The following SDK1 variants were observed in gnomAD, a reference collection of about 807,000 sequenced individuals.
SDK1 encodes the protein sidekick cell adhesion molecule 1.
A neutral mutation model predicts 245.5 loss-of-function variants in SDK1; 157 were observed. That is an observed-to-expected ratio of 0.64 (90% CI 0.56 to 0.73). The LOEUF (loss-of-function observed/expected upper bound fraction) is 0.73. Ranked by LOEUF, SDK1 falls within the 30% of genes least tolerant of loss-of-function variation. The pLI, the probability that SDK1 is intolerant of heterozygous loss-of-function variation, is 0.00. For missense variants in SDK1, 3,583 were observed against 3,002.3 expected, an observed-to-expected ratio of 1.19 and a Z score of -4.52; for synonymous variants, 1,647 against 1,278.5, an observed-to-expected ratio of 1.29 and a Z score of -6.15.
intron 4 of SDK1, among the ~76,000 whole-genome samples, chr7:3,644,931 G>T (rs2128653647): frequency 6.6e-6 from 1 of 152,040 alleles, no homozygotes; most frequent in East Asian, 1.9e-4. Flanking sequence ...TGGTACCAGG[G>T]ATGGGGGGAG....
chr7:3,642,638 A>T (rs191359373), intron 4 of SDK1, among the ~76,000 whole-genome samples: 21 of 152,352 alleles, frequency 1.4e-4, no homozygotes. Flanking sequence ...ATTGCAGAAT[A>T]GTTGCTTTGT....
chr7:3,805,538 T>A (rs1008784347), intron 4 of SDK1, among the ~76,000 whole-genome samples: 2 of 152,204 alleles, frequency 1.3e-5, no homozygotes, highest in African/African-American at 4.8e-5. Flanking sequence ...TTCTCTAAAA[T>A]GTACTGGTTC....
At chr7:3,747,698 G>GGTGTGT (rs148784234) in intron 4 of SDK1, among the ~76,000 whole-genome samples, 7 of 148,730 alleles carry the variant, frequency 4.7e-5, no homozygotes, top group African/African-American at 1.8e-4. Context: ...CTTAGCCTGG[G>GGTGTGT]GTGTGTGTGT....
chr7:3,771,695 A>C (rs575011834), intron 4 of SDK1, among the ~76,000 whole-genome samples: 18 of 152,166 alleles, frequency 1.2e-4, no homozygotes, highest in African/African-American at 4.1e-4. Flanking sequence ...GCATTTTTCA[A>C]ATGTCCTTTT....
At position 3,951,763 on chromosome 7, in the gene SDK1, G is replaced by T. The variant is rs1484670114; in HGVS notation, c.993G>T (p.Arg331Ser). The T allele has an allele frequency of 2.5e-6, 4 of 1,613,650 alleles. No homozygotes were observed. The highest frequency in any genetic ancestry group is 3.3e-5 in the Admixed American group (2 of 60,008). Residue 331 changes from arginine (R) to serine (S), a missense_variant, in exon 7 of 45, where the codon AGG (arginine) becomes AGT (serine). Physicochemically the swap from Arg to Ser is moderately radical, Grantham distance 110. Coordinates refer to ENST00000404826, the MANE Select transcript of SDK1 (RefSeq NM_152744.4). ...AGGACCTGAGTGTGACCTGGAAGAG[G>T]AATGGAGTGAGAATCACCAGTGGCC... ...PVEDLSVTWK[R>S]NGVRITSGLH...
At chr7:3,705,832 A>T (rs182537934) in intron 4 of SDK1, among the ~76,000 whole-genome samples, 1 of 151,936 alleles carries the variant, frequency 6.6e-6, no homozygotes, top group Non-Finnish European at 1.5e-5. Context: ...TCCTTGACCT[A>T]TTTCAGTTCT....
At chr7:3,732,437 A>G (rs1779207337) in intron 4 of SDK1, among the ~76,000 whole-genome samples, 1 of 152,236 alleles carries the variant, frequency 6.6e-6, no homozygotes, top group Non-Finnish European at 1.5e-5. Context: ...ACTTGACACC[A>G]TTAATTTCTG....
intron 4 of SDK1, among the ~76,000 whole-genome samples, chr7:3,731,863 C>T (rs1779188025): frequency 6.6e-6 from 1 of 152,164 alleles, no homozygotes. Context: ...GTGATGTTGG[C>T]TCACTGCAAC....
intron 27 of SDK1, among the ~76,000 whole-genome samples, 171 bp from the exon 28 acceptor site, chr7:4,132,154 C>T (rs1036847628): frequency 5.3e-5 from 8 of 152,194 alleles, no homozygotes; most frequent in Admixed American, 2.6e-4. Context: ...AGCCACACTA[C>T]CAGTGACATT....
intron 1 of SDK1, among the ~76,000 whole-genome samples, chr7:3,584,341 G>A (rs1038632310): frequency 2.0e-5 from 3 of 152,112 alleles, no homozygotes; most frequent in African/African-American, 7.2e-5. Context: ...GGCGTTCCCT[G>A]TCTAGTTTCA....
intron 1 of SDK1, among the ~76,000 whole-genome samples, chr7:3,368,099 A>C (rs998936886): frequency 1.3e-5 from 2 of 152,208 alleles, no homozygotes; most frequent in Admixed American, 1.3e-4. Context: ...ATATTTTTGT[A>C]AGTATATTAT....
At chr7:3,668,867 G>T (rs973804378) in intron 4 of SDK1, among the ~76,000 whole-genome samples, 7 of 152,154 alleles carry the variant, frequency 4.6e-5, no homozygotes, top group Admixed American at 4.6e-4. Context: ...TTTCACCATT[G>T]TGTCACTAGC....
chr7:3,417,988 C>A (rs1444457083), intron 1 of SDK1, among the ~76,000 whole-genome samples: 1 of 151,992 alleles, frequency 6.6e-6, no homozygotes, highest in African/African-American at 2.4e-5. Flanking sequence ...CAAGTGATTT[C>A]TCTACTGAGA....
intron 1 of SDK1, among the ~76,000 whole-genome samples, chr7:3,606,514 A>G (rs917256803): frequency 6.6e-5 from 10 of 152,080 alleles, no homozygotes; most frequent in African/African-American, 2.4e-4. Context: ...TTTTACCCTC[A>G]TCTGTCATCC....
At chr7:3,723,153 A>T (rs899729458) in intron 4 of SDK1, among the ~76,000 whole-genome samples, 3 of 152,212 alleles carry the variant, frequency 2.0e-5, no homozygotes, top group African/African-American at 7.2e-5. Context: ...GTGTTCTAAA[A>T]TAAAAGGCTT....
chr7:4,198,807 C>G (rs956632057), intron 35 of SDK1, among the ~76,000 whole-genome samples: 1 of 141,770 alleles, frequency 7.1e-6, no homozygotes, highest in Non-Finnish European at 1.5e-5. Flanking sequence ...TTTCTTTTTT[C>G]TTTGCTTTTT....
intron 4 of SDK1, among the ~76,000 whole-genome samples, chr7:3,809,878 G>A (rs936619608): frequency 6.6e-6 from 1 of 152,112 alleles, no homozygotes; most frequent in Non-Finnish European, 1.5e-5. Flanking sequence ...GTCAGGAATC[G>A]AGAATTACCA....
At chr7:4,009,586 G>A (rs1467279024) in intron 14 of SDK1, among the ~76,000 whole-genome samples, 1 of 152,242 alleles carries the variant, frequency 6.6e-6, no homozygotes, top group Non-Finnish European at 1.5e-5. Flanking sequence ...GAAATCAAAA[G>A]CCAAGAACGC....
intron 4 of SDK1, among the ~76,000 whole-genome samples, chr7:3,719,838 G>A (rs2115027863): frequency 6.6e-6 from 1 of 152,042 alleles, no homozygotes; most frequent in Non-Finnish European, 1.5e-5. Context: ...TTAGCTGGGT[G>A]TGGTGGTGCG....
Sources: gnomAD v4.1 joint callset for allele counts (sites outside exome capture counted in the v4.1 genomes callset) on GRCh38, gnomAD v4.1.1 for gene constraint, MANE v1.5 for transcripts, NCBI Gene and HGNC (gene_info 2026-07-23, HGNC 2026-07-21) for gene names.